SRD5A2: variants seen among roughly 807,000 people sequenced by gnomAD.
The protein encoded by SRD5A2 is steroid 5 alpha-reductase 2, also known as 3-oxo-5-alpha-steroid 4-dehydrogenase 2.
A neutral mutation model predicts 27.4 loss-of-function variants in SRD5A2; 30 were observed. The observed-to-expected ratio is 1.10, with a 90% CI of 0.82 to 1.49. SRD5A2 has a LOEUF of 1.49. Among genes scored for constraint, SRD5A2 ranks in the 40% most tolerant of loss-of-function variants. SRD5A2 has a pLI of 0.00. For missense variants in SRD5A2, 348 were observed against 323.4 expected, an observed-to-expected ratio of 1.08 and a Z score of -0.58; for synonymous variants, 141 against 133.6, an observed-to-expected ratio of 1.06 and a Z score of -0.38.
chr2:31,600,719 T>C, the SRD5A2 span, among the ~76,000 whole-genome samples: 1 of 151,814 alleles, frequency 6.6e-6, no homozygotes, highest in Non-Finnish European at 1.5e-5. Context: ...ATGAGGCCAG[T>C]GTTACCCTGA....
intron 1 of SRD5A2, among the ~76,000 whole-genome samples, chr2:31,554,215 G>C (rs115675132): frequency 6.6e-6 from 1 of 151,952 alleles, no homozygotes; most frequent in South Asian, 2.1e-4. Flanking sequence ...AAAAAGACCC[G>C]GGTATCTTTC....
rs140336016 is a variant in SRD5A2, at chr2:31,544,666, C to A, written c.282-10900G>T. ...AGGAGCTAGAAAAGAATAAGCTAAACCCAAAGCTACCAGAAAGAAGGAATA... is the reference window on the plus strand; with the variant it reads ...AGGAGCTAGAAAAGAATAAGCTAAAACCAAAGCTACCAGAAAGAAGGAATA... On this transcript the variant is annotated intron_variant, in intron 1 of 4. Coordinates refer to ENST00000622030, the MANE Select transcript of SRD5A2 (RefSeq NM_000348.4). 3.1e-3 allele frequency among the ~76,000 whole-genome samples: 466 copies of A among 151,660 alleles called. 3 individuals carry two copies. Among genetic ancestry groups the A allele is most frequent in the African/African-American group, 0.011 (448 of 41,434 alleles).
intron 3 of SRD5A2, among the ~76,000 whole-genome samples, chr2:31,529,953 C>A (rs1178959985): frequency 6.6e-6 from 1 of 152,116 alleles, no homozygotes; most frequent in East Asian, 1.9e-4. Context: ...TGCCCCTCCC[C>A]ACCCTTCTGC....
At chr2:31,544,761 G>C (rs909126419) in intron 1 of SRD5A2, among the ~76,000 whole-genome samples, 3 of 151,678 alleles carry the variant, frequency 2.0e-5, no homozygotes, top group Non-Finnish European at 3.0e-5. Context: ...AAAACCAAAT[G>C]CTCCTTCTTT....
the SRD5A2 span, among the ~76,000 whole-genome samples, chr2:31,652,882 G>A: frequency 6.6e-6 from 1 of 152,140 alleles, no homozygotes; most frequent in South Asian, 2.1e-4. Flanking sequence ...TCTGTCCTTT[G>A]CTTGATGGCG....
the SRD5A2 span, among the ~76,000 whole-genome samples, chr2:31,601,714 T>C: frequency 6.0e-4 from 92 of 152,164 alleles, no homozygotes; most frequent in African/African-American, 1.7e-3. Flanking sequence ...TCATCCACCA[T>C]AGTCAAGTAG....
the SRD5A2 span, among the ~76,000 whole-genome samples, chr2:31,601,510 C>G: frequency 6.6e-6 from 1 of 152,078 alleles, no homozygotes; most frequent in African/African-American, 2.4e-5. Context: ...GGTACCATTT[C>G]TACTGAAATT....
the SRD5A2 span, among the ~76,000 whole-genome samples, chr2:31,646,126 G>C: frequency 2.0e-5 from 3 of 152,038 alleles, no homozygotes; most frequent in Admixed American, 2.0e-4. Flanking sequence ...TCATCAATTA[G>C]CTATGATGCT....
chr2:31,583,958 G>A (rs1667132428), upstream of SRD5A2, among the ~76,000 whole-genome samples: 2 of 152,122 alleles, frequency 1.3e-5, no homozygotes, highest in Non-Finnish European at 2.9e-5. Context: ...AGGAAAGAGT[G>A]GGCATGACAA....
chr2:31,651,442 C>A, the SRD5A2 span: 1 of 231,536 alleles, frequency 4.3e-6, no homozygotes, highest in South Asian at 8.2e-5. Context: ...GCAATGACAT[C>A]ATCATGCTGG....
chr2:31,548,450 A>G (rs1666309891), intron 1 of SRD5A2, among the ~76,000 whole-genome samples: 2 of 152,236 alleles, frequency 1.3e-5, no homozygotes. Flanking sequence ...CAAAGAAGCT[A>G]TGCAAATGGC....
the SRD5A2 span, among the ~76,000 whole-genome samples, chr2:31,590,201 C>A: frequency 6.8e-6 from 1 of 148,062 alleles, no homozygotes; most frequent in Non-Finnish European, 1.5e-5. Flanking sequence ...ACCCTGGCAG[C>A]TGAAAACAAA....
At chr2:31,610,761 T>C in the SRD5A2 span, among the ~76,000 whole-genome samples, 1 of 152,124 alleles carries the variant, frequency 6.6e-6, no homozygotes, top group Non-Finnish European at 1.5e-5. Flanking sequence ...CAAAAACCTA[T>C]AAGAACTGAT....
chr2:31,571,089 G>T (rs1666839569), intron 1 of SRD5A2, among the ~76,000 whole-genome samples: 1 of 152,098 alleles, frequency 6.6e-6, no homozygotes, highest in African/African-American at 2.4e-5. Flanking sequence ...AAAGAACAAA[G>T]CTGGAGGCAC....
the SRD5A2 span, among the ~76,000 whole-genome samples, chr2:31,619,291 G>C: frequency 6.6e-6 from 1 of 152,154 alleles, no homozygotes; most frequent in East Asian, 1.9e-4. Context: ...ACATGACCGA[G>C]TAATTCTATT....
At position 31,531,351 on chromosome 2, in the gene SRD5A2, G is replaced by C; in HGVS notation, c.547+20C>G. 5 of 1,533,378 alleles carry C rather than the reference G, an allele frequency of 3.3e-6. No individual in the cohort carries two copies. Among genetic ancestry groups the C allele is most frequent in the Non-Finnish European group, 4.4e-6 (5 of 1,126,522 alleles). The allele number at this position is 1,533,378 out of a possible 1,614,324, so 95.0% of individuals were successfully genotyped here. The stretch of plus-strand genomic sequence containing the variant: ...AGGCTCCAGGGAAGAGTGAGAGTCT[G>C]GGGGCAGGGGAGACATTACCTTGTG... On this transcript the variant is annotated intron_variant, in intron 3 of 4. Coordinates refer to ENST00000622030, the MANE Select transcript of SRD5A2 (RefSeq NM_000348.4).
rs1553326431 is a variant in SRD5A2 at position 31,554,973 on chromosome 2, G to GTGTGTGTA, written c.282-21208_282-21207insTACACACA. Among the ~76,000 whole-genome samples the GTGTGTGTA allele has an allele frequency of 7.5e-5, 11 of 147,304 alleles. No individual in the cohort carries two copies. The South Asian group carries it at 2.0e-3, about 26-fold the overall frequency. On this transcript the variant is annotated intron_variant, in intron 1 of 4. Coordinates refer to ENST00000622030, the MANE Select transcript of SRD5A2 (RefSeq NM_000348.4). ...TGTGTGTGTGTGTGTGTGTGTATGT[G>GTGTGTGTA]TGTGTGTGTGTTACCGCCAGGCCAG...
intron 1 of SRD5A2, among the ~76,000 whole-genome samples, chr2:31,557,949 T>C (rs1666532315): frequency 6.6e-6 from 1 of 152,232 alleles, no homozygotes; most frequent in African/African-American, 2.4e-5. Flanking sequence ...GGACTAGTGC[T>C]ATCTCACTTT....
intron 1 of SRD5A2, among the ~76,000 whole-genome samples, chr2:31,577,539 T>C (rs1282935563): frequency 1.3e-5 from 2 of 152,240 alleles, no homozygotes; most frequent in African/African-American, 4.8e-5. Context: ...TTGTGTGCCA[T>C]CCTTGTATTG....
Sources: gnomAD v4.1 joint callset for allele counts (sites outside exome capture counted in the v4.1 genomes callset) on GRCh38, gnomAD v4.1.1 for gene constraint, MANE v1.5 for transcripts, NCBI Gene and HGNC (gene_info 2026-07-23, HGNC 2026-07-21) for gene names.